Variants in CDH7 observed in about 807,000 individuals in gnomAD.
The protein encoded by CDH7 is cadherin-7.
CDH7 carries 25 observed loss-of-function variants against 71.8 expected under a neutral mutation model. The ratio of observed to expected loss-of-function variants is 0.35; its 90% confidence interval spans 0.25 to 0.49. The LOEUF is 0.49. Ranked by LOEUF, CDH7 falls within the 20% of genes least tolerant of loss-of-function variation. The probability of loss-of-function intolerance (pLI) is 0.99; values close to 1 mark genes in which losing one functional copy is unlikely to be tolerated. For synonymous variants in CDH7, 381 were observed against 363.8 expected, an observed-to-expected ratio of 1.05 and a Z score of -0.54; for missense variants, 862 against 974.6, an observed-to-expected ratio of 0.88 and a Z score of 1.54.
At position 65,862,722 on chromosome 18, in the gene CDH7, G is replaced by A. The variant is rs113114953; in HGVS notation, c.1669G>A (p.Val557Ile). ...RNGFRRQEQS[V>I]YYLPIFIVDS... The stretch of plus-strand genomic sequence containing the variant: ...CGGCTTCCGGAGACAGGAACAATCA[G>A]TTTACTATCTGCCAATTTTCATTGT... The change falls in exon 11 of 12, where the codon GTT becomes ATT. Residue 557 changes from valine to isoleucine, a missense_variant. Transcript: ENST00000397968. The A allele has an allele frequency of 4.0e-4, 645 of 1,614,058 alleles. 3 individuals carry two copies. The African/African-American group carries it at 7.9e-3, about 20-fold the overall frequency.
At chr18:65,753,069 G>A (rs1915929353) in intron 1 of CDH7, among the ~76,000 whole-genome samples, 1 of 152,124 alleles carries the variant, frequency 6.6e-6, no homozygotes, top group South Asian at 2.1e-4. Flanking sequence ...ATTGACTCTA[G>A]TGTTTAGTGT....
chr18:65,847,699 C>T (rs544414215), intron 7 of CDH7, among the ~76,000 whole-genome samples: 1 of 152,164 alleles, frequency 6.6e-6, no homozygotes, highest in South Asian at 2.1e-4. Context: ...TCATTCTTGA[C>T]GTTTACAAGT....
chr18:65,771,473 C>T (rs1025317791), intron 2 of CDH7, among the ~76,000 whole-genome samples: 5 of 151,436 alleles, frequency 3.3e-5, no homozygotes, highest in South Asian at 2.1e-4. Context: ...AACCCCATCT[C>T]TACTAAAAAA....
chr18:65,856,714 C>A (rs1048427559), intron 7 of CDH7, among the ~76,000 whole-genome samples: 6 of 151,796 alleles, frequency 4.0e-5, no homozygotes, highest in African/African-American at 1.5e-4. Flanking sequence ...CCTGTTTGTT[C>A]TTTCGTTCAT....
intron 2 of CDH7, among the ~76,000 whole-genome samples, chr18:65,769,007 A>C (rs1172321491): frequency 6.6e-6 from 1 of 152,096 alleles, no homozygotes; most frequent in Non-Finnish European, 1.5e-5. Flanking sequence ...AGAAGCATTA[A>C]AAAATAAACT....
intron 1 of CDH7, among the ~76,000 whole-genome samples, chr18:65,758,423 GGGCATATGTTCCT>G (rs1916094834): frequency 6.6e-6 from 1 of 152,164 alleles, no homozygotes; most frequent in Non-Finnish European, 1.5e-5. Context: ...CTGCTATAGA[GGGCATATGTTCCT>G]GGGAGAGTTG....
At chr18:65,791,936 TC>T (rs1211823308) in intron 2 of CDH7, among the ~76,000 whole-genome samples, 2 of 152,232 alleles carry the variant, frequency 1.3e-5, no homozygotes, top group Non-Finnish European at 2.9e-5. Context: ...GCCTTTATTT[TC>T]AATGGCTATC....
chr18:65,765,348 A>G (rs1916322425), intron 2 of CDH7, among the ~76,000 whole-genome samples: 1 of 152,016 alleles, frequency 6.6e-6, no homozygotes, highest in Non-Finnish European at 1.5e-5. Context: ...AGATGATGAA[A>G]TGATTCTTTT....
intron 6 of CDH7, among the ~76,000 whole-genome samples, chr18:65,830,620 C>T: frequency 4.4e-5 from 1 of 22,810 alleles, no homozygotes; most frequent in Non-Finnish European, 2.7e-3. Flanking sequence ...CCTTCCCTTC[C>T]CTTCGCTTCC....
chr18:65,784,113 A>ATTTTTTTTTTTTTTT (rs72393865), intron 2 of CDH7, among the ~76,000 whole-genome samples: 1 of 106,812 alleles, frequency 9.4e-6, no homozygotes, highest in Non-Finnish European at 1.8e-5. Flanking sequence ...ACCCACAGCT[A>ATTTTTTTTTTTTTTT]TTTTTTTTTT....
At chr18:65,832,888 A>AT (rs1334479565) in intron 6 of CDH7, among the ~76,000 whole-genome samples, 1 of 151,962 alleles carries the variant, frequency 6.6e-6, no homozygotes, top group Admixed American at 6.6e-5. Flanking sequence ...TAAATATGGA[A>AT]TTTTTTTCTA....
At chr18:65,760,021 T>G (rs1916146768) in intron 1 of CDH7, among the ~76,000 whole-genome samples, 1 of 152,220 alleles carries the variant, frequency 6.6e-6, no homozygotes, top group Admixed American at 6.5e-5. Flanking sequence ...ATCAAAATGC[T>G]TTCACTTGGT....
intron 1 of CDH7, among the ~76,000 whole-genome samples, chr18:65,761,632 C>A (rs1224340170): frequency 6.6e-6 from 1 of 151,452 alleles, no homozygotes; most frequent in Non-Finnish European, 1.5e-5. Context: ...AATTCATAAA[C>A]CAAAGTGCAA....
chr18:65,862,441 ATTTCT>A, intron 10 of CDH7, among the ~76,000 whole-genome samples: 1 of 152,182 alleles, frequency 6.6e-6, no homozygotes, highest in East Asian at 1.9e-4. Flanking sequence ...CTTTATAACT[ATTTCT>A]TTTGTTATAC....
intron 5 of CDH7, 24 bp downstream of exon 5, chr18:65,822,272 C>T: frequency 6.3e-7 from 1 of 1,585,582 alleles, no homozygotes; most frequent in Non-Finnish European, 8.6e-7. Flanking sequence ...TTAAGTGACA[C>T]AAGTGCAATA....
upstream of CDH7, chr18:65,750,470 T>C (rs914555751): frequency 6.6e-6 from 1 of 152,394 alleles, no homozygotes; most frequent in Admixed American, 6.5e-5. Flanking sequence ...GAGAGATGGA[T>C]GGGCTGCAGC....
chr18:65,750,840 C>T (rs1371218936), upstream of CDH7: 2 of 152,296 alleles, frequency 1.3e-5, no homozygotes, highest in Non-Finnish European at 2.9e-5. Flanking sequence ...TGGCTCCGGA[C>T]CCTGCGTCTC....
At chr18:65,773,028 G>C (rs754845939) in intron 2 of CDH7, among the ~76,000 whole-genome samples, 39 of 152,186 alleles carry the variant, frequency 2.6e-4, no homozygotes, top group Admixed American at 5.2e-4. Context: ...TTAACTCTGG[G>C]TACATCGATA....
intron 2 of CDH7, among the ~76,000 whole-genome samples, chr18:65,782,152 T>C (rs867553303): frequency 8.7e-6 from 1 of 115,150 alleles, no homozygotes; most frequent in Non-Finnish European, 1.6e-5. Context: ...CTTTCTTTCT[T>C]TCTTTCTTTC....
Sources: allele counts gnomAD v4.1 joint callset (sites outside exome capture counted in the v4.1 genomes callset), GRCh38; gene constraint gnomAD v4.1.1; transcripts MANE v1.5; gene names NCBI Gene and HGNC (gene_info 2026-07-23, HGNC 2026-07-21).